SIPA1: variants seen among roughly 807,000 people sequenced by gnomAD.
SIPA1 encodes the protein signal-induced proliferation-associated 1.
Under a neutral mutation model 88.1 loss-of-function variants are expected in SIPA1, and 51 were observed. The ratio of observed to expected loss-of-function variants is 0.58; its 90% CI spans 0.46 to 0.73. The LOEUF (loss-of-function observed/expected upper bound fraction) is 0.73. Among genes scored for constraint, SIPA1 ranks in the 30% least tolerant of loss-of-function variants. SIPA1 has a pLI of 0.00. For synonymous variants in SIPA1, 681 were observed against 664.8 expected, an observed-to-expected ratio of 1.02 and a Z score of -0.37; for missense variants, 1,348 against 1,467.6, an observed-to-expected ratio of 0.92 and a Z score of 1.33.
rs1821232738 is a variant in SIPA1, at chr11:65,642,742, G to A, written c.984+103G>A. The A allele has an allele frequency of 8.6e-7, 1 of 1,156,654 alleles. No homozygotes were observed. The highest frequency in any genetic ancestry group is 3.1e-5 in the Admixed American group (1 of 32,104). 71.6% of individuals were successfully genotyped at this position (1,156,654 alleles called of 1,614,324 possible). A position where few individuals can be genotyped will look rare whatever the true frequency, so the allele number is the denominator to read the frequency against. Reference sequence around the variant, plus strand: ...TAGCCTTGACCCTGATCCTGGGCTGGGTGGTGACCCCAGAAGAGCTGGCTT... The same window carrying A: ...TAGCCTTGACCCTGATCCTGGGCTGAGTGGTGACCCCAGAAGAGCTGGCTT... On this transcript the variant is annotated intron_variant, in intron 4 of 15. Transcript: ENST00000534313. This position sits in a 1 kb window ranked among gnomAD's most constrained non-coding sequence, Gnocchi z 6.5.
rs145995596 is a variant in SIPA1 at position 65,650,814 on chromosome 11, C to G, written c.*99C>G. The G allele has an allele frequency of 3.7e-3, 4,718 of 1,278,772 alleles. 15 individuals carry two copies. Among genetic ancestry groups the G allele is most frequent in the Non-Finnish European group, 4.4e-3 (4,182 of 957,318 alleles). 79.2% of individuals were successfully genotyped at this position (1,278,772 alleles called of 1,614,324 possible). A position where few individuals can be genotyped will look rare whatever the true frequency, so the allele number is the denominator to read the frequency against. Reference sequence around the variant, plus strand: ...AGAGGCGTGTCTTAGCACTGCCCCCCTCCCTAGCCCCTTATTTGGTGGCGG... The same window carrying G: ...AGAGGCGTGTCTTAGCACTGCCCCCGTCCCTAGCCCCTTATTTGGTGGCGG... On this transcript the variant is annotated 3_prime_UTR_variant, in exon 16 of 16. Coordinates refer to ENST00000534313, the MANE Select transcript of SIPA1 (RefSeq NM_006747.4).
Position 65,649,596 on chromosome 11 carries a change from C to T in SIPA1, c.2561C>T (p.Thr854Ile). ...GATGAGGCCCCAGTCCTGCCCAACA[C>T]CACCCCGGACCTCCTCCTGGCCACC... ...LSDEAPVLPN[T>I]TPDLLLATTA... Residue 854 changes from threonine to isoleucine, a missense_variant, in exon 11 of 16, where the codon ACC becomes ATC. Transcript: ENST00000534313. 1.2e-6 allele frequency: 2 copies of T among 1,614,146 alleles called. No individual in the cohort carries two copies. Among genetic ancestry groups the T allele is most frequent in the South Asian group, 2.2e-5 (2 of 91,084 alleles).
intron 1 of SIPA1, among the ~76,000 whole-genome samples, chr11:65,638,881 G>A (rs764612969): frequency 3.3e-5 from 5 of 152,210 alleles, no homozygotes; most frequent in Non-Finnish European, 7.3e-5. Flanking sequence ...TCACTTCCAA[G>A]CGTGCAGAGC....
At position 65,640,882 on chromosome 11, in the gene SIPA1, C is replaced by T; in HGVS notation, c.-40C>T. 1.4e-6 allele frequency: 2 copies of T among 1,441,070 alleles called. No individual in the cohort carries two copies. The highest frequency in any genetic ancestry group is 1.8e-6 in the Non-Finnish European group (2 of 1,102,018). The allele number at this position is 1,441,070 out of a possible 1,614,324, so 89.3% of individuals were successfully genotyped here. ...GCTGGGCACCAAACACCCGTGCCCG[C>T]CAATGCGGCCCAGCCCCCGGAGAGT... On this transcript the variant is annotated 5_prime_UTR_variant, in exon 2 of 16. Transcript: ENST00000534313.
rs764026961 is a variant in SIPA1 at position 65,649,660 on chromosome 11, A to G, written c.2625A>G (p.Thr875=). The change falls in exon 11 of 16, where the codon ACA becomes ACG. Residue 875 remains threonine (T), a synonymous_variant. Transcript: ENST00000534313. Reference sequence around the variant, plus strand: ...CAGTACCCAGTGCTGACAGTGAGACACCCCTGACCCAGGTGAGCAGAAACC... The same window carrying G: ...CAGTACCCAGTGCTGACAGTGAGACGCCCCTGACCCAGGTGAGCAGAAACC... ...KPSVPSADSE[T]PLTQDRPGSP... 4 of 1,613,952 alleles carry G rather than the reference A, an allele frequency of 2.5e-6. No individual in the cohort carries two copies. The East Asian group carries it at 6.7e-5, about 27-fold the overall frequency.
At position 65,647,471 on chromosome 11, in the gene SIPA1, T is replaced by C; in HGVS notation, c.2119T>C (p.Phe707Leu). 6.8e-7 allele frequency: 1 copy of C among 1,479,488 alleles called. No individual in the cohort carries two copies. Among genetic ancestry groups the C allele is most frequent in the South Asian group, 1.3e-5 (1 of 79,668 alleles). 91.6% of individuals were successfully genotyped at this position (1,479,488 alleles called of 1,614,324 possible). ...GGGCTTCGAGGTGGACGCCGAGGGA[T>C]TCGTCACGCACGTGGAGCGCTTCAC... Reference protein sequence around the residue: ...RLGFEVDAEGFVTHVERFTFA... With the variant: ...RLGFEVDAEGLVTHVERFTFA... The change falls in exon 9 of 16, where the codon TTC becomes CTC. Residue 707 changes from phenylalanine (F) to leucine (L), a missense_variant. Coordinates refer to ENST00000534313, the MANE Select transcript of SIPA1 (RefSeq NM_006747.4).
chr11:65,641,593 T>C lies in SIPA1; in HGVS notation c.672T>C (p.Tyr224=), dbSNP rs763401071. ...CTGGCTACTACCGCAAATACTTCTA[T>C]GGCAAAGGTGAGGAAAGGCAGTTCC... ...LGAGYYRKYF[Y]GKEHQNFFGM... Residue 224 remains tyrosine (Y), a synonymous_variant, in exon 2 of 16, where the codon TAT becomes TAC. Coordinates refer to ENST00000534313, the MANE Select transcript of SIPA1 (RefSeq NM_006747.4). 3.1e-5 allele frequency: 49 copies of C among 1,605,348 alleles called. No individual in the cohort carries two copies. The highest frequency in any genetic ancestry group is 4.1e-5 in the Non-Finnish European group (48 of 1,176,066).
At position 65,640,946 on chromosome 11, in the gene SIPA1, G is replaced by T. The variant is rs1286558072; in HGVS notation, c.25G>T (p.Gly9Trp). The T allele has an allele frequency of 3.2e-6, 5 of 1,538,762 alleles. No homozygotes were observed. Among genetic ancestry groups the T allele is most frequent in the Non-Finnish European group, 4.3e-6 (5 of 1,151,048 alleles). MPMWAGGV[G>W]SPRRGMAPAS... The stretch of plus-strand genomic sequence containing the variant: ...CATGCCCATGTGGGCCGGCGGTGTG[G>T]GGAGCCCTCGGCGGGGCATGGCCCC... The change falls in exon 2 of 16, where the codon GGG becomes TGG. Residue 9 changes from glycine to tryptophan, a missense_variant. Gly to Trp is a radical substitution (Grantham distance 184). Transcript: ENST00000534313.
At position 65,647,042 on chromosome 11, in the gene SIPA1, G is replaced by C; in HGVS notation, c.2008G>C (p.Gly670Arg). ...CGACGGGTCCCCCGGCCAAGCCGTG[G>C]GCGAGGTGGTGGCGCGCCTGCAGGT... The part of the protein sequence containing the change: ...RFDGSPGQAV[G>R]EVVARLQLVS... The change falls in exon 8 of 16, where the codon GGC becomes CGC. Residue 670 changes from glycine to arginine, a missense_variant. Gly to Arg is a moderately radical substitution (Grantham distance 125). Coordinates refer to ENST00000534313, the MANE Select transcript of SIPA1 (RefSeq NM_006747.4). 6.5e-7 allele frequency: 1 copy of C among 1,544,412 alleles called. No individual in the cohort carries two copies. Among genetic ancestry groups the C allele is most frequent in the Non-Finnish European group, 8.7e-7 (1 of 1,151,396 alleles).
chr11:65,648,279 C>T (rs1331279230), intron 9 of SIPA1, among the ~76,000 whole-genome samples: 1 of 152,048 alleles, frequency 6.6e-6, no homozygotes. Context: ...TTGGCACCCG[C>T]CCACCCAACA....
At position 65,650,051 on chromosome 11, in the gene SIPA1, G is replaced by C. The variant is rs901148132; in HGVS notation, c.2848G>C (p.Gly950Arg). The change falls in exon 13 of 16, where the codon GGA becomes CGA. Residue 950 changes from glycine to arginine, a missense_variant and splice_region_variant. Gly to Arg is a moderately radical substitution (Grantham distance 125). This residue lies in a region of SIPA1 where 615 missense variants were observed against 559.8 expected (regional missense o/e 1.10). Transcript: ENST00000534313. The stretch of plus-strand genomic sequence containing the variant: ...CATTCTGGAGTCGCTGTCCCGAGAG[G>C]GTGAGGCCACCAGGGTGCTGCGGTA... ...NTILESLSRE[G>R]QPIPESGDPK... The C allele has an allele frequency of 1.2e-6, 2 of 1,613,848 alleles. No individual in the cohort carries two copies. Among genetic ancestry groups the C allele is most frequent in the East Asian group, 2.2e-5 (1 of 44,886 alleles).
rs1256596090 is a variant in SIPA1, at chr11:65,647,464, C to G, written c.2112C>G (p.Ala704=). The G allele has an allele frequency of 5.4e-6, 8 of 1,479,534 alleles. No homozygotes were observed. Among genetic ancestry groups the G allele is most frequent in the Non-Finnish European group, 7.1e-6 (8 of 1,123,932 alleles). 91.7% of individuals were successfully genotyped at this position (1,479,534 alleles called of 1,614,324 possible). Residue 704 remains alanine, a synonymous_variant, in exon 9 of 16, where the codon GCC becomes GCG. Transcript: ENST00000534313. The part of the protein sequence containing the change: ...GQGRLGFEVD[A]EGFVTHVERF... The stretch of plus-strand genomic sequence containing the variant: ...GCCGCCTGGGCTTCGAGGTGGACGC[C>G]GAGGGATTCGTCACGCACGTGGAGC...
rs1565183370 is a variant in SIPA1 at position 65,649,290 on chromosome 11, C to T, written c.2335C>T (p.Leu779=). 1.9e-6 allele frequency: 3 copies of T among 1,550,324 alleles called. No homozygotes were observed. The highest frequency in any genetic ancestry group is 3.9e-5 in the Admixed American group (2 of 51,616). The change falls in exon 10 of 16, where the codon CTG becomes TTG. Residue 779 remains leucine, a synonymous_variant. Transcript: ENST00000534313. ...RSFSELYTLS[L]QEPSRRGAPD... The stretch of plus-strand genomic sequence containing the variant: ...TTTTTCGGAGCTGTACACGCTGTCG[C>T]TGCAGGAGCCTAGCCGGCGGGGGGC...
chr11:65,650,761 G>C lies in SIPA1; in HGVS notation c.*46G>C. On this transcript the variant is annotated 3_prime_UTR_variant, in exon 16 of 16. Transcript: ENST00000534313. Reference sequence around the variant, plus strand: ...CCCCTGAGGGCACTGTGGTCACACTGGGCCCTCCTCAGGAACTCTCCCTGC... The same window carrying C: ...CCCCTGAGGGCACTGTGGTCACACTCGGCCCTCCTCAGGAACTCTCCCTGC... The C allele has an allele frequency of 2.7e-6, 4 of 1,496,006 alleles. No individual in the cohort carries two copies. Among genetic ancestry groups the C allele is most frequent in the Non-Finnish European group, 3.6e-6 (4 of 1,120,256 alleles). The allele number at this position is 1,496,006 out of a possible 1,614,324, so 92.7% of individuals were successfully genotyped here. A position where few individuals can be genotyped will look rare whatever the true frequency, so the allele number is the denominator to read the frequency against.
Position 65,649,748 on chromosome 11 carries a change from G to A in SIPA1, c.2638-9G>A. The A allele has an allele frequency of 6.2e-7, 1 of 1,614,082 alleles. No individual in the cohort carries two copies. Among genetic ancestry groups the A allele is most frequent in the Non-Finnish European group, 8.5e-7 (1 of 1,180,040 alleles). On this transcript the variant is annotated splice_polypyrimidine_tract_variant and intron_variant, in intron 11 of 15. Coordinates refer to ENST00000534313, the MANE Select transcript of SIPA1 (RefSeq NM_006747.4). Reference sequence around the variant, plus strand: ...CATCACTGAATCTGTATCCACTTCTGTGGCACAGGACAGGCCAGGCAGTCC... The same window carrying A: ...CATCACTGAATCTGTATCCACTTCTATGGCACAGGACAGGCCAGGCAGTCC...
rs774327416 is a variant in SIPA1, at chr11:65,649,794, G to A, written c.2675G>A (p.Gly892Asp). ...AGTCCCAGTGGCTCTGAGGACAAGG[G>A]CAACCCGGCGCCGGAGCTGAGGGCC... ...PGSPSGSEDK[G>D]NPAPELRASF... The change falls in exon 12 of 16, where the codon GGC (glycine) becomes GAC (aspartate). Residue 892 changes from glycine to aspartate, a missense_variant. Gly to Asp is a moderately conservative substitution (Grantham distance 94). Transcript: ENST00000534313. 1 of 1,614,060 alleles carries A rather than the reference G, an allele frequency of 6.2e-7. No homozygotes were observed. The highest frequency in any genetic ancestry group is 1.1e-5 in the South Asian group (1 of 91,082).
Position 65,641,503 on chromosome 11 carries a change from G to T in SIPA1, c.582G>T (p.Val194=), listed in dbSNP as rs1179344169. ...PVPPALPNAA[V]SILEEPQNRT... is the part of the protein sequence containing the mutation. ...CCCCTGCACTGCCCAACGCGGCCGT[G>T]TCCATCCTGGAGGAGCCACAGAACC... The change falls in exon 2 of 16, where the codon GTG becomes GTT. Residue 194 remains valine, a synonymous_variant. Coordinates refer to ENST00000534313, the MANE Select transcript of SIPA1 (RefSeq NM_006747.4). The T allele has an allele frequency of 6.2e-7, 1 of 1,612,138 alleles. No individual in the cohort carries two copies. The highest frequency in any genetic ancestry group is 1.3e-5 in the African/African-American group (1 of 74,938).
intron 4 of SIPA1, among the ~76,000 whole-genome samples, chr11:65,643,326 G>T (rs771843301): frequency 2.0e-5 from 3 of 152,238 alleles, no homozygotes; most frequent in Non-Finnish European, 2.9e-5. Context: ...CACAGCCCCT[G>T]CTGGGTTTCC....
In SIPA1 at chr11:65,650,727, C is replaced by A. The variant is rs113349002; in HGVS notation, c.*12C>A. On this transcript the variant is annotated 3_prime_UTR_variant, in exon 16 of 16. Transcript: ENST00000534313. ...CCGACCTGGCCTGAGCCGTCTGGAA[C>A]CACCTGGGCCCCTGAGGGCACTGTG... is the stretch of plus-strand genomic sequence containing the variant. The A allele has an allele frequency of 1.3e-6, 2 of 1,555,828 alleles. No homozygotes were observed. The highest frequency in any genetic ancestry group is 3.8e-5 in the Admixed American group (2 of 52,886).
Sources: allele counts gnomAD v4.1 joint callset (sites outside exome capture counted in the v4.1 genomes callset), GRCh38; gene constraint gnomAD v4.1.1; regional missense constraint gnomAD v4.1.1; non-coding constraint Gnocchi (gnomAD v3.1); transcripts MANE v1.5; gene names NCBI Gene and HGNC (gene_info 2026-07-23, HGNC 2026-07-21).